The following PLCB1 variants were observed in gnomAD, a reference collection of about 807,000 sequenced individuals.
PLCB1 encodes the protein phospholipase C beta 1, also known as 1-phosphatidylinositol 4,5-bisphosphate phosphodiesterase beta-1.
In PLCB1, 46 loss-of-function variants were observed where a neutral mutation model predicts 161.8. The ratio of observed to expected loss-of-function variants is 0.28; its 90% CI spans 0.22 to 0.36. PLCB1 has a LOEUF of 0.36. PLCB1 is among the 10% of genes least tolerant of loss of function. The pLI is 1.00. For missense variants in PLCB1, 1,016 were observed against 1,472.5 expected, an observed-to-expected ratio of 0.69 and a Z score of 5.07; for synonymous variants, 517 against 503.7, an observed-to-expected ratio of 1.03 and a Z score of -0.35.
At chr20:8,720,510 A>G (rs1175655521) in intron 14 of PLCB1, among the ~76,000 whole-genome samples, 1 of 152,202 alleles carries the variant, frequency 6.6e-6, no homozygotes, top group South Asian at 2.1e-4. Flanking sequence ...TTGTATTTCA[A>G]AGCTAGTTTA....
chr20:8,482,208 A>C (rs957599716), intron 3 of PLCB1, among the ~76,000 whole-genome samples: 2 of 146,080 alleles, frequency 1.4e-5, no homozygotes, highest in Non-Finnish European at 3.0e-5. Flanking sequence ...GGTTCAAGCC[A>C]TTCTCCTACC....
chr20:8,614,671 A>G (rs1053220255), intron 3 of PLCB1, among the ~76,000 whole-genome samples: 2 of 151,600 alleles, frequency 1.3e-5, no homozygotes, highest in Non-Finnish European at 2.9e-5. Context: ...AACTTGGTAG[A>G]CACTGGCCTC....
intron 3 of PLCB1, among the ~76,000 whole-genome samples, chr20:8,474,305 T>C (rs1982177041): frequency 1.3e-5 from 2 of 152,024 alleles, no homozygotes; most frequent in Admixed American, 1.3e-4. Context: ...CAAAATGACA[T>C]GCTAGAGGGT....
At chr20:8,578,900 A>T (rs1259225309) in intron 3 of PLCB1, among the ~76,000 whole-genome samples, 1 of 152,248 alleles carries the variant, frequency 6.6e-6, no homozygotes, top group Non-Finnish European at 1.5e-5. Flanking sequence ...TAAATTTCTG[A>T]TGGCAGTCAC....
chr20:8,847,909 A>G (rs1986746027), intron 31 of PLCB1, among the ~76,000 whole-genome samples: 1 of 152,152 alleles, frequency 6.6e-6, no homozygotes, highest in Admixed American at 6.5e-5. Context: ...ACAGAAATCT[A>G]TTTTCTCACA....
chr20:8,312,079 G>T (rs187818788), intron 2 of PLCB1, among the ~76,000 whole-genome samples: 5 of 152,240 alleles, frequency 3.3e-5, no homozygotes, highest in Admixed American at 6.5e-5. Flanking sequence ...CCAGATCCAT[G>T]TCACCTGGCC....
chr20:8,531,176 C>G (rs1027919878), intron 3 of PLCB1, among the ~76,000 whole-genome samples: 3 of 152,070 alleles, frequency 2.0e-5, no homozygotes, highest in African/African-American at 4.8e-5. Context: ...TGAAAAACCT[C>G]AGCAGAGGGA....
At chr20:8,697,257 CTG>C (rs1990603670) in intron 10 of PLCB1, among the ~76,000 whole-genome samples, 1 of 152,138 alleles carries the variant, frequency 6.6e-6, no homozygotes, top group Admixed American at 6.5e-5. Context: ...CAACCGAACT[CTG>C]TGCCATTTTA....
intron 31 of PLCB1, among the ~76,000 whole-genome samples, chr20:8,816,655 T>C (rs867677113): frequency 6.6e-6 from 1 of 152,230 alleles, no homozygotes; most frequent in South Asian, 2.1e-4. Context: ...AGAGAATTTC[T>C]GGACATCTAC....
intron 3 of PLCB1, among the ~76,000 whole-genome samples, chr20:8,542,274 A>C (rs3817879): frequency 0.16 from 24,021 of 152,150 alleles, 2,136 homozygotes; most frequent in Admixed American, 0.24. Context: ...TTGTCTAAGC[A>C]GAAAGGGTAG....
intron 3 of PLCB1, among the ~76,000 whole-genome samples, chr20:8,561,392 C>G (rs1170032058): frequency 6.6e-6 from 1 of 151,864 alleles, no homozygotes; most frequent in Admixed American, 6.6e-5. Flanking sequence ...CATTCTTTAT[C>G]TGTTCTAAGA....
intron 27 of PLCB1, among the ~76,000 whole-genome samples, chr20:8,784,388 C>T (rs976159206): frequency 6.6e-6 from 1 of 151,924 alleles, no homozygotes; most frequent in African/African-American, 2.4e-5. Flanking sequence ...CATGGTGAAA[C>T]CCTGTCTCTA....
At chr20:8,544,888 C>T (rs1985475899) in intron 3 of PLCB1, among the ~76,000 whole-genome samples, 1 of 152,092 alleles carries the variant, frequency 6.6e-6, no homozygotes, top group Non-Finnish European at 1.5e-5. Flanking sequence ...GAGAGGGTAT[C>T]TGTAACAAAA....
intron 3 of PLCB1, among the ~76,000 whole-genome samples, chr20:8,541,596 G>GAAAGAAAGAAAGAAATAAAT (rs1456415608): frequency 1.1e-4 from 16 of 150,546 alleles, no homozygotes; most frequent in African/African-American, 3.9e-4. Flanking sequence ...AAGAAAGAAA[G>GAAAGAAAGAAAGAAATAAAT]AAAGAAAGAA....
At position 8,689,150 on chromosome 20, in the gene PLCB1, C is replaced by T. The variant is rs528173672; in HGVS notation, c.1009+4072C>T. On this transcript the variant is annotated intron_variant, in intron 10 of 31. Transcript: ENST00000338037. ...CTTGATTTGATTATCTGCTTGGTCA[C>T]TGTTGGTGTATAAAAGAGCTACTGA... 6.0e-5 allele frequency among the ~76,000 whole-genome samples: 9 copies of T among 150,948 alleles called. 1 individual carries two copies. Among genetic ancestry groups the T allele is most frequent in the South Asian group, 2.1e-4 (1 of 4,778 alleles).
intron 23 of PLCB1, among the ~76,000 whole-genome samples, chr20:8,745,422 A>G (rs1444336957): frequency 6.6e-6 from 1 of 152,176 alleles, no homozygotes; most frequent in African/African-American, 2.4e-5. Flanking sequence ...GGTCATTTCT[A>G]TTTGAACATT....
intron 1 of PLCB1, among the ~76,000 whole-genome samples, chr20:8,138,208 A>G (rs568807663): frequency 2.0e-5 from 3 of 152,384 alleles, no homozygotes; most frequent in Admixed American, 6.5e-5. Context: ...GATAATTTGC[A>G]GTGGCTATTA....
intron 2 of PLCB1, among the ~76,000 whole-genome samples, chr20:8,194,830 A>C (rs1463273374): frequency 6.6e-6 from 1 of 152,012 alleles, no homozygotes; most frequent in Non-Finnish European, 1.5e-5. Context: ...ATACTTTTTC[A>C]TATTGGATGG....
At chr20:8,384,513 C>T (rs774582455) in intron 3 of PLCB1, among the ~76,000 whole-genome samples, 6 of 152,052 alleles carry the variant, frequency 3.9e-5, no homozygotes, top group Non-Finnish European at 7.3e-5. Context: ...TCTTCTGAAG[C>T]CTACTTCTGT....
Sources: allele counts gnomAD v4.1 joint callset (sites outside exome capture counted in the v4.1 genomes callset), GRCh38; gene constraint gnomAD v4.1.1; transcripts MANE v1.5; gene names NCBI Gene and HGNC (gene_info 2026-07-23, HGNC 2026-07-21).